Variants in COMMD7 observed in about 807,000 individuals in gnomAD.
COMMD7 encodes COMM domain containing 7.
Under a neutral mutation model 34.8 loss-of-function variants are expected in COMMD7, and 28 were observed. The observed-to-expected ratio is 0.80, with a 90% CI of 0.60 to 1.10. The LOEUF is 1.10. Among genes scored for constraint, COMMD7 ranks in the 50% least tolerant of loss-of-function variants. The probability of loss-of-function intolerance (pLI) is 0.00; values close to 1 mark genes in which losing one functional copy is unlikely to be tolerated. For synonymous variants in COMMD7, 80 were observed against 86.4 expected, an observed-to-expected ratio of 0.93 and a Z score of 0.41; for missense variants, 211 against 241.6, an observed-to-expected ratio of 0.87 and a Z score of 0.84.
intron 3 of COMMD7, among the ~76,000 whole-genome samples, chr20:32,707,692 C>T (rs1334289563): frequency 6.6e-6 from 1 of 151,234 alleles, no homozygotes; most frequent in Admixed American, 6.6e-5. Flanking sequence ...TCAGAGACAA[C>T]AGAAAAGACT....
intron 1 of COMMD7, among the ~76,000 whole-genome samples, chr20:32,738,299 A>C (rs1986254394): frequency 6.6e-6 from 1 of 152,092 alleles, no homozygotes; most frequent in South Asian, 2.1e-4. Context: ...CTAATTTTTA[A>C]AACTTTTGGC....
chr20:32,726,157 A>G (rs1195074859), intron 3 of COMMD7, among the ~76,000 whole-genome samples: 2 of 151,946 alleles, frequency 1.3e-5, no homozygotes, highest in African/African-American at 4.8e-5. Context: ...TGGGGAGCCA[A>G]GGCGGGTGGA....
intron 3 of COMMD7, among the ~76,000 whole-genome samples, chr20:32,727,418 TC>T: frequency 6.6e-6 from 1 of 150,574 alleles, no homozygotes; most frequent in South Asian, 2.1e-4. Context: ...GTGCCTGTAA[TC>T]CCAGCTACTC....
chr20:32,733,436 TG>T (rs1265427112), intron 1 of COMMD7, among the ~76,000 whole-genome samples: 1 of 143,320 alleles, frequency 7.0e-6, no homozygotes, highest in Non-Finnish European at 1.5e-5. Context: ...AATTCAAAAA[TG>T]GCCTGGAGCG....
intron 3 of COMMD7, 57 bp from the exon 4 acceptor site, chr20:32,706,817 A>T: frequency 6.9e-7 from 1 of 1,441,570 alleles, no homozygotes. Context: ...AGTCGGCAAT[A>T]AGTATTTAAT....
intron 3 of COMMD7, among the ~76,000 whole-genome samples, chr20:32,725,135 C>T (rs1314815988): frequency 6.6e-6 from 1 of 151,390 alleles, no homozygotes; most frequent in Non-Finnish European, 1.5e-5. Context: ...TATAGATTAA[C>T]TAAAAGGAGA....
At chr20:32,732,121 C>T (rs112874410) in intron 1 of COMMD7, among the ~76,000 whole-genome samples, 1,737 of 152,222 alleles carry the variant, frequency 0.011, 30 homozygotes, top group African/African-American at 0.039. Flanking sequence ...CTGGCTCTGT[C>T]GCCCAGACTG....
rs1277015150 is a variant in COMMD7 at position 32,702,896 on chromosome 20, T to G, written c.*486A>C. 1 of 153,532 alleles carries G rather than the reference T, an allele frequency of 6.5e-6. No homozygotes were observed. The highest frequency in any genetic ancestry group is 2.4e-5 in the African/African-American group (1 of 41,458). The allele number at this position is 153,532 out of a possible 1,614,324, so 9.5% of individuals were successfully genotyped here. ...CACAGGTGCCTCATTAAGAACTGAT[T>G]GGCAATGTTCCACCAGCACAGACCC... On this transcript the variant is annotated 3_prime_UTR_variant, in exon 9 of 9. Transcript: ENST00000278980.
At chr20:32,737,488 T>C (rs976760689) in intron 1 of COMMD7, among the ~76,000 whole-genome samples, 2 of 150,638 alleles carry the variant, frequency 1.3e-5, no homozygotes, top group African/African-American at 4.9e-5. Context: ...GCCTGGGTGA[T>C]AGAATGAGAC....
intron 3 of COMMD7, among the ~76,000 whole-genome samples, chr20:32,719,315 G>A (rs765700740): frequency 6.6e-6 from 1 of 152,086 alleles, no homozygotes; most frequent in Admixed American, 6.6e-5. Context: ...GCAGCCTTTG[G>A]GACTAGAAAG....
rs534634971 is a variant in COMMD7 at position 32,722,181 on chromosome 20, T to A, written c.241+5712A>T. ...AATTGCTTGAACCTTGTCGACGGAA[T>A]TTGCAGTGAGCCGAGATCTTGCCCC... On this transcript the variant is annotated intron_variant, in intron 3 of 8. Coordinates refer to ENST00000278980, the MANE Select transcript of COMMD7 (RefSeq NM_053041.3). Among the ~76,000 whole-genome samples the A allele has an allele frequency of 2.0e-5, 3 of 147,474 alleles. No individual in the cohort carries two copies. The East Asian group carries it at 6.2e-4, about 30-fold the overall frequency.
At chr20:32,713,940 C>G (rs1411283719) in intron 3 of COMMD7, among the ~76,000 whole-genome samples, 3 of 152,022 alleles carry the variant, frequency 2.0e-5, no homozygotes, top group Non-Finnish European at 4.4e-5. Flanking sequence ...ATGGTGAAAC[C>G]CCATCTCTAC....
chr20:32,711,169 G>C (rs1984415768), intron 3 of COMMD7, among the ~76,000 whole-genome samples: 1 of 152,150 alleles, frequency 6.6e-6, no homozygotes, highest in South Asian at 2.1e-4. Flanking sequence ...GGCTGAGGCG[G>C]GTGGATCACT....
Position 32,719,273 on chromosome 20 carries a change from G to A in COMMD7, c.241+8620C>T, listed in dbSNP as rs958778202. ...GGTGGAGATGTAACTGCCATAACTAGGCATGTAGGGCTAAGAAACTGTTCT... is the reference window on the plus strand; with the variant it reads ...GGTGGAGATGTAACTGCCATAACTAAGCATGTAGGGCTAAGAAACTGTTCT... On this transcript the variant is annotated intron_variant, in intron 3 of 8. Coordinates refer to ENST00000278980, the MANE Select transcript of COMMD7 (RefSeq NM_053041.3). Among the ~76,000 whole-genome samples, 85 of 152,180 alleles carry A rather than the reference G, an allele frequency of 5.6e-4. 1 individual carries two copies. The highest frequency in any genetic ancestry group is 1.1e-3 in the Non-Finnish European group (76 of 68,042).
intron 3 of COMMD7, among the ~76,000 whole-genome samples, chr20:32,713,703 T>G (rs1010876805): frequency 6.6e-6 from 1 of 152,188 alleles, no homozygotes; most frequent in Non-Finnish European, 1.5e-5. Flanking sequence ...TGCACTGTGC[T>G]AGATGCTGGG....
chr20:32,713,980 G>T (rs1568777898), intron 3 of COMMD7, among the ~76,000 whole-genome samples: 1 of 152,134 alleles, frequency 6.6e-6, no homozygotes, highest in Admixed American at 6.6e-5. Flanking sequence ...GAGCGTGGTG[G>T]TGAGCGCCTG....
intron 3 of COMMD7, among the ~76,000 whole-genome samples, chr20:32,710,757 G>A (rs1275022102): frequency 6.7e-6 from 1 of 148,208 alleles, no homozygotes; most frequent in Admixed American, 6.8e-5. Context: ...AATAGATGTA[G>A]CTCAGTAGCT....
intron 1 of COMMD7, among the ~76,000 whole-genome samples, chr20:32,739,337 C>G (rs11698914): frequency 0.69 from 104,171 of 151,970 alleles, 36,497 homozygotes; most frequent in Middle Eastern, 0.82. Flanking sequence ...AAAGTGATTG[C>G]AAGGACTCAA....
chr20:32,719,304 G>T (rs1014425922), intron 3 of COMMD7, among the ~76,000 whole-genome samples: 5 of 152,146 alleles, frequency 3.3e-5, no homozygotes, highest in Non-Finnish European at 7.4e-5. Context: ...GTTCTGGGAT[G>T]GCAGCCTTTG....
Sources: allele counts gnomAD v4.1 joint callset (sites outside exome capture counted in the v4.1 genomes callset), GRCh38; gene constraint gnomAD v4.1.1; transcripts MANE v1.5; gene names NCBI Gene and HGNC (gene_info 2026-07-23, HGNC 2026-07-21).